Variants in RYR1 observed in about 807,000 individuals in gnomAD.
The protein encoded by RYR1 is central core disease of muscle.
In RYR1, 342 loss-of-function variants were observed where a neutral mutation model predicts 583.5. That is an observed-to-expected ratio of 0.59 (90% CI 0.54 to 0.64). RYR1 has a LOEUF of 0.64. Among genes scored for constraint, RYR1 ranks in the 30% least tolerant of loss-of-function variants. The pLI is 0.00. For missense variants in RYR1, 6,032 were observed against 6,917.2 expected (o/e 0.87, Z 4.54); for synonymous variants, 2,791 against 2,822.5 (o/e 0.99, Z 0.35).
intron 89 of RYR1, among the ~76,000 whole-genome samples, chr19:38,555,991 G>C (rs1330494549): frequency 6.6e-6 from 1 of 152,000 alleles, no homozygotes; most frequent in Non-Finnish European, 1.5e-5. Flanking sequence ...AGCCTCCTGA[G>C]TAGCTGGGAT....
intron 11 of RYR1, among the ~76,000 whole-genome samples, chr19:38,449,845 C>A (rs1042055332): frequency 6.6e-6 from 1 of 152,214 alleles, no homozygotes; most frequent in Admixed American, 6.5e-5. Flanking sequence ...GGGATGGGAA[C>A]AGCTCGTGTG....
In RYR1 at chr19:38,448,588, G is replaced by C; in HGVS notation, c.958-61G>C. The C allele has an allele frequency of 3.7e-6, 6 of 1,614,126 alleles. No homozygotes were observed. In the South Asian group the frequency reaches 5.5e-5, roughly 15 times the overall value. Reference sequence around the variant, plus strand: ...CAGCCTGCACTCTGCAGTCCCTCAGGGGGGCTCCCCTGCTAAACACACAGG... The same window carrying C: ...CAGCCTGCACTCTGCAGTCCCTCAGCGGGGCTCCCCTGCTAAACACACAGG... On this transcript the variant is annotated intron_variant, in intron 10 of 105. Coordinates refer to ENST00000359596, the MANE Select transcript of RYR1 (RefSeq NM_000540.3).
chr19:38,517,247 T>A (rs117832528), intron 65 of RYR1, 112 bp from the exon 66 acceptor site: 2 of 1,084,810 alleles, frequency 1.8e-6, no homozygotes, highest in African/African-American at 3.2e-5. Flanking sequence ...TTTGGGAGAC[T>A]GTTTAAGGGG....
intron 21 of RYR1, 78 bp downstream of exon 21, chr19:38,463,605 G>A: frequency 2.6e-6 from 4 of 1,510,720 alleles, no homozygotes; most frequent in African/African-American, 2.7e-5. Context: ...CCGGCGGAGA[G>A]GAGGGAGGGA....
chr19:38,563,335 A>G (rs1181342623), intron 90 of RYR1, among the ~76,000 whole-genome samples: 1 of 152,196 alleles, frequency 6.6e-6, no homozygotes, highest in East Asian at 1.9e-4. Flanking sequence ...GCACGATCTC[A>G]GCTCACTCAA....
intron 67 of RYR1, among the ~76,000 whole-genome samples, chr19:38,522,821 G>T (rs1310429780): frequency 6.6e-6 from 1 of 151,814 alleles, no homozygotes; most frequent in Non-Finnish European, 1.5e-5. Flanking sequence ...GTGGTGTCGG[G>T]CCCCTGTAGT....
At position 38,490,267 on chromosome 19, in the gene RYR1, C is replaced by G; in HGVS notation, c.6006C>G (p.Pro2002=). The change falls in exon 36 of 106, where the codon CCC becomes CCG. Residue 2002 remains proline (P), a synonymous_variant. Coordinates refer to ENST00000359596, the MANE Select transcript of RYR1 (RefSeq NM_000540.3). ...ARRTREFRSP[P]QEQINMLLQF... ...GTACCCGCGAGTTCCGCTCCCCACC[C>G]CAGGAACAGGTCATCTGACCCCTGA... The G allele has an allele frequency of 4.3e-6, 7 of 1,613,800 alleles. 1 individual carries two copies. In the South Asian group the frequency reaches 7.7e-5, roughly 18 times the overall value.
At chr19:38,446,845 G>A in intron 9 of RYR1, 77 bp downstream of exon 9, 1 of 1,170,254 alleles carries the variant, frequency 8.5e-7, no homozygotes, top group Non-Finnish European at 1.3e-6. Context: ...AAAAGGTCTT[G>A]AGGGAAGATC....
rs557228332 is a variant in RYR1 at position 38,535,793 on chromosome 19, A to T, written c.11517-204A>T. 7 of 645,028 alleles carry T rather than the reference A, an allele frequency of 1.1e-5. No individual in the cohort carries two copies. In the Admixed American group the frequency reaches 1.2e-4, roughly 11 times the overall value. The allele number at this position is 645,028 out of a possible 1,614,324, so 40.0% of individuals were successfully genotyped here. A position where few individuals can be genotyped will look rare whatever the true frequency, so the allele number is the denominator to read the frequency against. Reference sequence around the variant, plus strand: ...AATGGGTGGTTTCTGGTTCCTCATTATTTCAGCTTGCGCATGGTTCATCCT... The same window carrying T: ...AATGGGTGGTTTCTGGTTCCTCATTTTTTCAGCTTGCGCATGGTTCATCCT... On this transcript the variant is annotated intron_variant, in intron 81 of 105. Transcript: ENST00000359596.
At chr19:38,555,731 T>C (rs186489544) in intron 89 of RYR1, among the ~76,000 whole-genome samples, 2 of 152,340 alleles carry the variant, frequency 1.3e-5, no homozygotes, top group Admixed American at 6.5e-5. Flanking sequence ...TGATACTTTT[T>C]AAAATCATCT....
intron 83 of RYR1, 28 bp downstream of exon 83, chr19:38,536,795 G>C (rs1348067585): frequency 6.2e-7 from 1 of 1,612,874 alleles, no homozygotes; most frequent in African/African-American, 1.3e-5. Context: ...CCCCCGTGCT[G>C]TGCTGCTGTC....
At chr19:38,492,929 G>C (rs544375338) in intron 38 of RYR1, among the ~76,000 whole-genome samples, 1 of 152,156 alleles carries the variant, frequency 6.6e-6, no homozygotes. Context: ...AATTAGCTGG[G>C]TGTGGCGGTG....
Position 38,483,048 on chromosome 19 carries a change from T to C in RYR1, c.4642T>C (p.Phe1548Leu). The C allele has an allele frequency of 1.9e-6, 3 of 1,614,126 alleles. No homozygotes were observed. Among genetic ancestry groups the C allele is most frequent in the Non-Finnish European group, 2.5e-6 (3 of 1,180,030 alleles). Residue 1548 changes from phenylalanine (F) to leucine (L), a missense_variant, in exon 32 of 106, where the codon TTT (phenylalanine) becomes CTT (leucine). Physicochemically the swap from Phe to Leu is conservative, Grantham distance 22. Coordinates refer to ENST00000359596, the MANE Select transcript of RYR1 (RefSeq NM_000540.3). This position sits in a 1 kb window ranked among gnomAD's most constrained non-coding sequence, Gnocchi z 6.3. ...FFQVEPNTKL[F>L]PAVFVLPTHQ... ...CCAGGTGGAACCCAACACTAAGCTA[T>C]TTCCTGCCGTCTTCGTCCTGCCCAC...
At chr19:38,575,381 A>C (rs577655513) in intron 96 of RYR1, among the ~76,000 whole-genome samples, 1 of 152,278 alleles carries the variant, frequency 6.6e-6, no homozygotes, top group South Asian at 2.1e-4. Flanking sequence ...CAGTGGAGCC[A>C]GGCGCAGGTG....
At chr19:38,454,871 G>A (rs1410643053) in intron 13 of RYR1, among the ~76,000 whole-genome samples, 1 of 152,050 alleles carries the variant, frequency 6.6e-6, no homozygotes, top group Non-Finnish European at 1.5e-5. Context: ...CTCTCCAGTT[G>A]GTGGGAGTGG....
intron 63 of RYR1, among the ~76,000 whole-genome samples, chr19:38,514,158 A>G (rs1161752292): frequency 2.0e-5 from 3 of 151,902 alleles, no homozygotes; most frequent in African/African-American, 7.3e-5. Context: ...GTCTGGGCAC[A>G]GTGGCTCGCA....
chr19:38,548,265 A>G lies in RYR1; in HGVS notation c.12127A>G (p.Met4043Val), dbSNP rs758495518. The G allele has an allele frequency of 1.9e-6, 3 of 1,614,096 alleles. No homozygotes were observed. The highest frequency in any genetic ancestry group is 2.5e-6 in the Non-Finnish European group (3 of 1,180,046). The change falls in exon 89 of 106, where the codon ATG (methionine) becomes GTG (valine). Residue 4043 changes from methionine (M) to valine (V), a missense_variant. Around this residue, in one of 11 missense-constraint regions of RYR1, gnomAD observed 82 missense variants for 139.7 expected, o/e 0.59. Transcript: ENST00000359596. Reference sequence around the variant, plus strand: ...GGTGAACGGCATGATCGCCCGGCAGATGGTGGACATGCTCGTGGAATCCTC... The same window carrying G: ...GGTGAACGGCATGATCGCCCGGCAGGTGGTGGACATGCTCGTGGAATCCTC... Reference protein sequence around the residue: ...NVVNGMIARQMVDMLVESSSN... With the variant: ...NVVNGMIARQVVDMLVESSSN...
intron 101 of RYR1, among the ~76,000 whole-genome samples, chr19:38,581,645 C>T (rs1011310450): frequency 2.0e-5 from 3 of 152,166 alleles, no homozygotes; most frequent in Non-Finnish European, 4.4e-5. Flanking sequence ...GTCACCCAGG[C>T]TGGAGTGCAG....
rs111272095 is a variant in RYR1, at chr19:38,466,347, C to T, written c.3127C>T (p.Arg1043Cys). ...CCGGGACAGCCTCTGCCAGGCCGTG[C>T]GCACCCTCCTGGGCTACGGCTACAA... ...SNRDSLCQAV[R>C]TLLGYGYNIE... is the part of the protein sequence containing the mutation. Residue 1043 changes from arginine to cysteine, a missense_variant, in exon 24 of 106, where the codon CGC becomes TGC. Physicochemically the swap from Arg to Cys is radical, Grantham distance 180. This residue lies in a region of RYR1 where 2,627 missense variants were observed against 2,961.3 expected (regional missense o/e 0.89). Coordinates refer to ENST00000359596, the MANE Select transcript of RYR1 (RefSeq NM_000540.3). The T allele has an allele frequency of 8.2e-6, 13 of 1,591,594 alleles. No individual in the cohort carries two copies. Among genetic ancestry groups the T allele is most frequent in the Admixed American group, 5.3e-5 (3 of 56,840 alleles).
Sources: gnomAD v4.1 joint callset for allele counts (sites outside exome capture counted in the v4.1 genomes callset) on GRCh38, gnomAD v4.1.1 for gene constraint, gnomAD v4.1.1 regional missense constraint, Gnocchi (gnomAD v3.1) non-coding constraint, MANE v1.5 for transcripts, NCBI Gene and HGNC (gene_info 2026-07-23, HGNC 2026-07-21) for gene names.